NLGN1: variants seen among roughly 807,000 people sequenced by gnomAD.
NLGN1 encodes the protein neuroligin 1, also known as neuroligin-1.
NLGN1 carries 12 observed loss-of-function variants against 65.5 expected under a neutral mutation model. The observed-to-expected ratio is 0.18, with a 90% confidence interval of 0.12 to 0.30. The LOEUF is 0.30. NLGN1 is among the 10% of genes least tolerant of loss of function. The pLI is 1.00. For missense variants in NLGN1, 750 were observed against 1,007.1 expected (o/e 0.74, Z 3.46); for synonymous variants, 350 against 359.5 (o/e 0.97, Z 0.30).
intron 3 of NLGN1, among the ~76,000 whole-genome samples, chr3:173,625,524 G>A (rs1754690262): frequency 6.6e-6 from 1 of 152,156 alleles, no homozygotes; most frequent in Admixed American, 6.6e-5. Flanking sequence ...GAAAAGTGGA[G>A]AAAGTCTCTG....
At chr3:173,469,884 G>C (rs1011577360) in intron 2 of NLGN1, among the ~76,000 whole-genome samples, 3 of 151,588 alleles carry the variant, frequency 2.0e-5, no homozygotes, top group Non-Finnish European at 4.4e-5. Context: ...ACCTACATAT[G>C]CTTACTCCAG....
intron 4 of NLGN1, among the ~76,000 whole-genome samples, chr3:174,247,821 C>G (rs1744074007): frequency 6.6e-6 from 1 of 152,206 alleles, no homozygotes; most frequent in Admixed American, 6.5e-5. Context: ...ATGGCTACTG[C>G]TCTGCTTTGC....
At chr3:173,975,610 A>G (rs1030731520) in intron 4 of NLGN1, among the ~76,000 whole-genome samples, 13 of 151,990 alleles carry the variant, frequency 8.6e-5, no homozygotes, top group African/African-American at 2.9e-4. Flanking sequence ...CAGACAGGGT[A>G]TGTGACATTA....
At chr3:173,931,286 A>T (rs1251503408) in intron 4 of NLGN1, among the ~76,000 whole-genome samples, 1 of 152,176 alleles carries the variant, frequency 6.6e-6, no homozygotes, top group Non-Finnish European at 1.5e-5. Context: ...AGCTAACATC[A>T]TAAATATATA....
intron 2 of NLGN1, among the ~76,000 whole-genome samples, chr3:173,589,282 A>G (rs1748035423): frequency 6.6e-6 from 1 of 152,220 alleles, no homozygotes; most frequent in South Asian, 2.1e-4. Context: ...CACTTGTGAC[A>G]GGCCACACAG....
intron 3 of NLGN1, among the ~76,000 whole-genome samples, chr3:173,766,664 G>A (rs1488016206): frequency 1.3e-5 from 2 of 152,078 alleles, no homozygotes; most frequent in African/African-American, 4.8e-5. Flanking sequence ...GGAGCAGCAG[G>A]ACCTCCGCAT....
chr3:173,419,020 C>CTTTTTTTTTTTTTTTTTT (rs59051811), intron 1 of NLGN1, among the ~76,000 whole-genome samples: 2 of 12,262 alleles, frequency 1.6e-4, no homozygotes, highest in Non-Finnish European at 1.4e-4. Context: ...TCTTCTTCTT[C>CTTTTTTTTTTTTTTTTTT]TTTTTTTTTT....
chr3:174,262,610 A>T (rs1561418969), intron 4 of NLGN1, among the ~76,000 whole-genome samples: 1 of 151,262 alleles, frequency 6.6e-6, no homozygotes, highest in South Asian at 2.1e-4. Context: ...CGGTCTATCA[A>T]TTTTGTTGAT....
chr3:173,646,197 CA>C (rs984849398), intron 3 of NLGN1, among the ~76,000 whole-genome samples: 191 of 148,612 alleles, frequency 1.3e-3, no homozygotes, highest in Middle Eastern at 3.5e-3. Context: ...ATACCCCCTC[CA>C]AAAAAAAAAT....
At chr3:173,964,863 A>G (rs1327884871) in intron 4 of NLGN1, among the ~76,000 whole-genome samples, 2 of 152,194 alleles carry the variant, frequency 1.3e-5, no homozygotes, top group African/African-American at 4.8e-5. Flanking sequence ...GTACGAGTAC[A>G]TGAGGATGGG....
chr3:173,555,067 A>G (rs1257445435), intron 2 of NLGN1, among the ~76,000 whole-genome samples: 1 of 152,192 alleles, frequency 6.6e-6, no homozygotes, highest in Non-Finnish European at 1.5e-5. Flanking sequence ...TTAATGAGTT[A>G]TCTTTTCAAA....
intron 4 of NLGN1, among the ~76,000 whole-genome samples, chr3:174,236,197 G>C (rs1233322086): frequency 6.6e-6 from 1 of 152,052 alleles, no homozygotes; most frequent in African/African-American, 2.4e-5. Context: ...TGCTTGAAAA[G>C]AACTGTGTTC....
chr3:174,008,732 A>G lies in NLGN1; in HGVS notation c.646+200900A>G, dbSNP rs763755128. ...AGATCAGGAACACAGGGCCCCAGAT[A>G]ATCACCTGCACAATGAGTAAGCAAA... On this transcript the variant is annotated intron_variant, in intron 4 of 6. Transcript: ENST00000457714. Among the ~76,000 whole-genome samples the G allele has an allele frequency of 3.0e-4, 46 of 152,164 alleles. 1 individual carries two copies. The highest frequency in any genetic ancestry group is 6.5e-4 in the Non-Finnish European group (44 of 67,992).
chr3:173,979,721 A>G (rs1014377486), intron 4 of NLGN1, among the ~76,000 whole-genome samples: 1 of 152,034 alleles, frequency 6.6e-6, no homozygotes, highest in African/African-American at 2.4e-5. Flanking sequence ...TGGATACATT[A>G]TTTTCCTGTA....
At chr3:173,766,153 A>G (rs1055702502) in intron 3 of NLGN1, among the ~76,000 whole-genome samples, 12 of 147,478 alleles carry the variant, frequency 8.1e-5, no homozygotes, top group African/African-American at 3.0e-4. Flanking sequence ...CAATGGCGCC[A>G]TCTCGGCTCA....
At chr3:174,082,350 G>A (rs1742405366) in intron 4 of NLGN1, among the ~76,000 whole-genome samples, 1 of 151,826 alleles carries the variant, frequency 6.6e-6, no homozygotes, top group South Asian at 2.1e-4. Flanking sequence ...CTAGTGAAAA[G>A]TCAATTAAAA....
chr3:173,986,354 C>T (rs764961401), intron 4 of NLGN1, among the ~76,000 whole-genome samples: 3 of 151,954 alleles, frequency 2.0e-5, no homozygotes, highest in Non-Finnish European at 4.4e-5. Context: ...GTAATCCCAG[C>T]TACTCAAGAG....
At chr3:173,713,255 C>G (rs1362729822) in intron 3 of NLGN1, among the ~76,000 whole-genome samples, 1 of 152,054 alleles carries the variant, frequency 6.6e-6, no homozygotes, top group Non-Finnish European at 1.5e-5. Flanking sequence ...CCCAAGTGAG[C>G]AAAAACTAAA....
chr3:174,155,926 G>A (rs1725361867), intron 4 of NLGN1, among the ~76,000 whole-genome samples: 1 of 151,848 alleles, frequency 6.6e-6, no homozygotes, highest in Non-Finnish European at 1.5e-5. Flanking sequence ...TTCCTTACAA[G>A]TGTTTCTGTC....
Sources: allele counts gnomAD v4.1 joint callset (sites outside exome capture counted in the v4.1 genomes callset), GRCh38; gene constraint gnomAD v4.1.1; transcripts MANE v1.5; gene names NCBI Gene and HGNC (gene_info 2026-07-23, HGNC 2026-07-21).